The following FAF2 variants were observed in gnomAD, a reference collection of about 807,000 sequenced individuals.
The protein encoded by FAF2 is Fas associated factor family member 2, also known as FAS-associated factor 2.
Under a neutral mutation model 62.3 loss-of-function variants are expected in FAF2, and 9 were observed. The observed-to-expected ratio is 0.14, with a 90% CI of 0.09 to 0.25. FAF2 has a LOEUF of 0.25. Ranked by LOEUF, FAF2 falls within the 10% of genes least tolerant of loss-of-function variation. The pLI is 1.00. For missense variants in FAF2, 368 were observed against 556.2 expected, an observed-to-expected ratio of 0.66 and a Z score of 3.40; for synonymous variants, 202 against 198.0, an observed-to-expected ratio of 1.02 and a Z score of -0.17.
chr5:176,483,037 T>TA, intron 2 of FAF2, among the ~76,000 whole-genome samples: 1 of 147,598 alleles, frequency 6.8e-6, no homozygotes. Flanking sequence ...GCCTGTTTTC[T>TA]TTTTTTTATT....
At chr5:176,483,704 C>G (rs1758824645) in intron 2 of FAF2, among the ~76,000 whole-genome samples, 1 of 152,186 alleles carries the variant, frequency 6.6e-6, no homozygotes, top group Non-Finnish European at 1.5e-5. Context: ...CACTAGAACT[C>G]ACTGAAAGTT....
intron 1 of FAF2, among the ~76,000 whole-genome samples, chr5:176,475,161 A>G (rs1264041625): frequency 6.6e-6 from 1 of 152,140 alleles, no homozygotes; most frequent in African/African-American, 2.4e-5. Context: ...TATTGAGATG[A>G]GGTCTCTCTG....
rs1581066056 is a variant in FAF2, at chr5:176,479,321, T to C, written c.132+65T>C. On this transcript the variant is annotated intron_variant, in intron 2 of 10. Coordinates refer to ENST00000261942, the MANE Select transcript of FAF2 (RefSeq NM_014613.3). ...GGTCTGATTAAGAGTCAAAACCGTA[T>C]GTTTTTCCATAGCAGGAATCTTTTC... The C allele has an allele frequency of 1.0e-5, 13 of 1,273,892 alleles. No individual in the cohort carries two copies. In the East Asian group the frequency reaches 3.0e-4, roughly 30 times the overall value. 78.9% of individuals were successfully genotyped at this position (1,273,892 alleles called of 1,614,324 possible).
chr5:176,492,074 C>A, intron 4 of FAF2, 120 bp from the exon 5 acceptor site: 3 of 1,122,178 alleles, frequency 2.7e-6, no homozygotes, highest in Non-Finnish European at 4.0e-6. Context: ...CACTCACAGA[C>A]TGTTCACCTC....
chr5:176,490,403 G>T (rs1758953724), intron 4 of FAF2, among the ~76,000 whole-genome samples: 1 of 152,126 alleles, frequency 6.6e-6, no homozygotes, highest in South Asian at 2.1e-4. Flanking sequence ...CCATGTCTAG[G>T]CTTTATGGGG....
intron 1 of FAF2, among the ~76,000 whole-genome samples, chr5:176,460,619 C>T (rs1301339302): frequency 4.0e-5 from 6 of 151,476 alleles, no homozygotes; most frequent in African/African-American, 1.5e-4. Context: ...GATCTCAGCT[C>T]ACTGCAGCCT....
At chr5:176,493,866 T>C in intron 5 of FAF2, 133 bp from the exon 6 acceptor site, 1 of 626,264 alleles carries the variant, frequency 1.6e-6, no homozygotes, top group Middle Eastern at 4.2e-4. Flanking sequence ...AATTTTCTGA[T>C]TTCTTGCTCA....
chr5:176,464,182 C>T (rs1036003455), intron 1 of FAF2, among the ~76,000 whole-genome samples: 5 of 152,078 alleles, frequency 3.3e-5, no homozygotes, highest in Non-Finnish European at 7.4e-5. Flanking sequence ...TCCTTAAGGC[C>T]TTAAGGCCTC....
In FAF2 at chr5:176,509,214, C is replaced by T. The variant is rs1053480381; in HGVS notation, c.*2264C>T. On this transcript the variant is annotated 3_prime_UTR_variant, in exon 11 of 11. Coordinates refer to ENST00000261942, the MANE Select transcript of FAF2 (RefSeq NM_014613.3). ...CTTTACTGAGACCCTAGGCCGGTCT[C>T]CTTGCTGACCCTAGCGCTGCTGCCT... 6.6e-6 allele frequency: 1 copy of T among 152,168 alleles called. No homozygotes were observed. Among genetic ancestry groups the T allele is most frequent in the Non-Finnish European group, 1.5e-5 (1 of 68,056 alleles). 9.4% of individuals were successfully genotyped at this position (152,168 alleles called of 1,614,324 possible). A position where few individuals can be genotyped will look rare whatever the true frequency, so the allele number is the denominator to read the frequency against.
chr5:176,470,733 A>G (rs1414956821), intron 1 of FAF2, among the ~76,000 whole-genome samples: 1 of 152,272 alleles, frequency 6.6e-6, no homozygotes, highest in Non-Finnish European at 1.5e-5. Flanking sequence ...AAATGAGTTC[A>G]GCACACTAGC....
intron 1 of FAF2, among the ~76,000 whole-genome samples, chr5:176,466,427 A>G (rs1758469993): frequency 6.6e-6 from 1 of 152,228 alleles, no homozygotes; most frequent in African/African-American, 2.4e-5. Flanking sequence ...TTTAGAGAGT[A>G]CTTAAATCTC....
chr5:176,507,306 T>C lies in FAF2; in HGVS notation c.*356T>C, dbSNP rs960907469. ...GGACATTCCCACTAGTTCTCATTCA[T>C]TCTTGCTTTTATGAAAAATAAAAGT... is the stretch of plus-strand genomic sequence containing the variant. On this transcript the variant is annotated 3_prime_UTR_variant, in exon 11 of 11. Transcript: ENST00000261942. 2.2e-5 allele frequency: 10 copies of C among 454,224 alleles called. 1 individual carries two copies. Among genetic ancestry groups the C allele is most frequent in the South Asian group, 9.4e-5 (6 of 63,980 alleles). 28.1% of individuals were successfully genotyped at this position (454,224 alleles called of 1,614,324 possible).
chr5:176,475,163 G>T (rs1055411354), intron 1 of FAF2, among the ~76,000 whole-genome samples: 1 of 152,014 alleles, frequency 6.6e-6, no homozygotes, highest in African/African-American at 2.4e-5. Context: ...TTGAGATGAG[G>T]TCTCTCTGTT....
intron 1 of FAF2, among the ~76,000 whole-genome samples, chr5:176,473,539 G>A (rs771623459): frequency 6.6e-6 from 1 of 152,174 alleles, no homozygotes; most frequent in Non-Finnish European, 1.5e-5. Flanking sequence ...TCTTTGGAAG[G>A]AAGTCATCAT....
At chr5:176,475,702 A>G (rs2113730039) in intron 1 of FAF2, among the ~76,000 whole-genome samples, 1 of 152,136 alleles carries the variant, frequency 6.6e-6, no homozygotes, top group African/African-American at 2.4e-5. Context: ...CAGGAGGCGC[A>G]GGTTGCAGTG....
intron 1 of FAF2, among the ~76,000 whole-genome samples, chr5:176,461,929 T>C (rs950922933): frequency 9.9e-5 from 15 of 152,176 alleles, no homozygotes; most frequent in Non-Finnish European, 1.6e-4. Flanking sequence ...TTTATAGTTT[T>C]AGGTCTTACA....
chr5:176,460,572 G>A (rs1343517015), intron 1 of FAF2, among the ~76,000 whole-genome samples: 1 of 149,066 alleles, frequency 6.7e-6, no homozygotes, highest in African/African-American at 2.5e-5. Flanking sequence ...TTTCCTGAGG[G>A]TCTCACTTTG....
chr5:176,463,480 C>T (rs914505491), intron 1 of FAF2, among the ~76,000 whole-genome samples: 5 of 151,928 alleles, frequency 3.3e-5, no homozygotes, highest in African/African-American at 7.2e-5. Flanking sequence ...TCAGACTCAT[C>T]TCACAGTGCT....
chr5:176,507,401 G>C lies in FAF2; in HGVS notation c.*451G>C. On this transcript the variant is annotated 3_prime_UTR_variant, in exon 11 of 11. Coordinates refer to ENST00000261942, the MANE Select transcript of FAF2 (RefSeq NM_014613.3). ...TTGCTTCTCCTGCCTCTGGGGAAGA[G>C]AGGGAAGAGAAAGCACAGAGCAGAG... 2.3e-6 allele frequency: 1 copy of C among 437,030 alleles called. No individual in the cohort carries two copies. The allele number at this position is 437,030 out of a possible 1,614,324, so 27.1% of individuals were successfully genotyped here. A position where few individuals can be genotyped will look rare whatever the true frequency, so the allele number is the denominator to read the frequency against.
Sources: allele counts gnomAD v4.1 joint callset (sites outside exome capture counted in the v4.1 genomes callset), GRCh38; gene constraint gnomAD v4.1.1; transcripts MANE v1.5; gene names NCBI Gene and HGNC (gene_info 2026-07-23, HGNC 2026-07-21).